KDM3B: variants seen among roughly 807,000 people sequenced by gnomAD.
KDM3B encodes the protein lysine-specific demethylase 3B.
KDM3B carries 10 observed loss-of-function variants against 170.0 expected under a neutral mutation model. The ratio of observed to expected loss-of-function variants is 0.06; its 90% CI spans 0.04 to 0.10. The LOEUF is 0.10. Ranked by LOEUF, KDM3B falls within the 10% of genes least tolerant of loss-of-function variation. The pLI, the probability that KDM3B is intolerant of heterozygous loss-of-function variation, is 1.00. For missense variants in KDM3B, 1,394 were observed against 2,195.2 expected (o/e 0.64, Z 7.29); for synonymous variants, 831 against 834.8 (o/e 1.00, Z 0.08).
chr5:138,397,944 A>ATC, intron 9 of KDM3B: 1 of 406,180 alleles, frequency 2.5e-6, no homozygotes, highest in South Asian at 4.4e-5. Context: ...AGAACAGGTG[A>ATC]ATGGAAAAAC....
intron 16 of KDM3B, 92 bp from the exon 17 acceptor site, chr5:138,425,319 G>T: frequency 8.9e-7 from 1 of 1,124,298 alleles, no homozygotes; most frequent in Non-Finnish European, 1.3e-6. Context: ...AGAAGAGGAG[G>T]CCCTCCTCAG....
chr5:138,381,289 T>C (rs1332431484), intron 5 of KDM3B, among the ~76,000 whole-genome samples: 1 of 152,250 alleles, frequency 6.6e-6, no homozygotes, highest in Non-Finnish European at 1.5e-5. Context: ...AAGACACAGT[T>C]GGACATGAAT....
chr5:138,419,526 G>C (rs1763199259), intron 14 of KDM3B, among the ~76,000 whole-genome samples: 2 of 150,846 alleles, frequency 1.3e-5, no homozygotes, highest in African/African-American at 4.9e-5. Context: ...GAGGTGGCGG[G>C]TGCCTGTAGT....
intron 1 of KDM3B, among the ~76,000 whole-genome samples, chr5:138,367,201 A>G (rs2126916483): frequency 6.6e-6 from 1 of 152,232 alleles, no homozygotes; most frequent in South Asian, 2.1e-4. Flanking sequence ...TAATTTCTGT[A>G]CCTCTCTGTT....
chr5:138,391,509 C>T lies in KDM3B; in HGVS notation c.1877C>T (p.Pro626Leu). ...ENHENLFLQPPKLSREEPSNP... is the reference protein window; with the variant it reads ...ENHENLFLQPLKLSREEPSNP... Reference sequence around the variant, plus strand: ...CATGAAAATCTATTTTTACAGCCCCCCAAATTGTCCCGAGAAGAGCCTTCT... The same window carrying T: ...CATGAAAATCTATTTTTACAGCCCCTCAAATTGTCCCGAGAAGAGCCTTCT... Residue 626 changes from proline (P) to leucine (L), a missense_variant, in exon 8 of 24, where the codon CCC (proline) becomes CTC (leucine). Transcript: ENST00000314358. This position sits in a 1 kb window ranked among gnomAD's most constrained non-coding sequence, Gnocchi z 5.0. 6.2e-7 allele frequency: 1 copy of T among 1,614,074 alleles called. No individual in the cohort carries two copies. The highest frequency in any genetic ancestry group is 8.5e-7 in the Non-Finnish European group (1 of 1,180,024).
chr5:138,420,892 C>G lies in KDM3B; in HGVS notation c.3902C>G (p.Pro1301Arg), dbSNP rs765215401. 2.5e-6 allele frequency: 4 copies of G among 1,613,938 alleles called. No individual in the cohort carries two copies. In the Admixed American group the frequency reaches 5.0e-5, roughly 20 times the overall value. The change falls in exon 15 of 24, where the codon CCG (proline) becomes CGG (arginine). Residue 1301 changes from proline to arginine, a missense_variant. By Grantham distance (103) the Pro-to-Arg change is moderately radical (BLOSUM62 -2). Coordinates refer to ENST00000314358, the MANE Select transcript of KDM3B (RefSeq NM_016604.4). ...CTTCGAGACCTCCTTCACTCCGGGC[C>G]GGGAAAACTTCCTCAAACCCCCTTG... ...SSLRDLLHSGPGKLPQTPLDT... is the reference protein window; with the variant it reads ...SSLRDLLHSGRGKLPQTPLDT...
chr5:138,381,003 T>G (rs1470739901), intron 5 of KDM3B, among the ~76,000 whole-genome samples: 1 of 152,094 alleles, frequency 6.6e-6, no homozygotes, highest in East Asian at 1.9e-4. Flanking sequence ...GCCTCCTGAT[T>G]CGCTGAGATT....
chr5:138,391,009 T>A lies in KDM3B; in HGVS notation c.1381-4T>A. On this transcript the variant is annotated splice_region_variant and splice_polypyrimidine_tract_variant and intron_variant, in intron 7 of 23. Transcript: ENST00000314358. The surrounding 1 kb of genome is among the most constrained non-coding windows in gnomAD (Gnocchi z 5.0). ...ATCACTAATTCAGGCTATCTTCCTT[T>A]CAGAATTCAAGAAATTCTATTCTGG... The A allele has an allele frequency of 6.5e-7, 1 of 1,542,118 alleles. No individual in the cohort carries two copies. The highest frequency in any genetic ancestry group is 1.4e-5 in the African/African-American group (1 of 72,232).
At chr5:138,356,417 A>G (rs1301721424) in intron 1 of KDM3B, among the ~76,000 whole-genome samples, 2 of 152,026 alleles carry the variant, frequency 1.3e-5, no homozygotes, top group African/African-American at 2.4e-5. Flanking sequence ...ATTTTTGCCA[A>G]TCTGATGGGT....
intron 11 of KDM3B, among the ~76,000 whole-genome samples, chr5:138,414,717 A>G (rs569956031): frequency 8.7e-4 from 132 of 152,266 alleles, no homozygotes; most frequent in African/African-American, 3.0e-3. Context: ...CACTTTGGGA[A>G]GCCAAGGCAG....
rs1196057786 is a variant in KDM3B, at chr5:138,436,430, C to T, written c.*730C>T. The T allele has an allele frequency of 6.6e-6, 1 of 152,206 alleles. No individual in the cohort carries two copies. Among genetic ancestry groups the T allele is most frequent in the Non-Finnish European group, 1.5e-5 (1 of 68,034 alleles). The allele number at this position is 152,206 out of a possible 1,614,324, so 9.4% of individuals were successfully genotyped here. On this transcript the variant is annotated 3_prime_UTR_variant, in exon 24 of 24. Transcript: ENST00000314358. ...ATTTAGTCTTCCTTTCGATATAAAA[C>T]TCTTTGAAGAAATATGATTTTTAGA...
intron 11 of KDM3B, among the ~76,000 whole-genome samples, chr5:138,413,660 G>A (rs1001888060): frequency 1.3e-5 from 2 of 152,014 alleles, no homozygotes; most frequent in Admixed American, 6.6e-5. Flanking sequence ...TTGAGACAGG[G>A]TCTCTTTCTG....
chr5:138,376,994 A>C (rs1762016179), intron 3 of KDM3B, among the ~76,000 whole-genome samples: 1 of 152,210 alleles, frequency 6.6e-6, no homozygotes, highest in African/African-American at 2.4e-5. Context: ...TGTCTTACTG[A>C]GACAGACCAG....
chr5:138,427,453 G>C (rs1297536581), intron 19 of KDM3B, 134 bp downstream of exon 19: 14 of 1,009,520 alleles, frequency 1.4e-5, no homozygotes, highest in Non-Finnish European at 2.0e-5. Context: ...AGTATCCAAG[G>C]TGGTCTTGAA....
chr5:138,357,778 G>A (rs1761490560), intron 1 of KDM3B, among the ~76,000 whole-genome samples: 1 of 151,836 alleles, frequency 6.6e-6, no homozygotes, highest in Non-Finnish European at 1.5e-5. Context: ...GGAGTGCAGT[G>A]GCGCGATATT....
At chr5:138,357,058 C>T (rs901842025) in intron 1 of KDM3B, among the ~76,000 whole-genome samples, 27 of 151,882 alleles carry the variant, frequency 1.8e-4, no homozygotes, top group African/African-American at 6.5e-4. Context: ...CTTGCTCTGT[C>T]TCCCGGGCTG....
At chr5:138,370,497 CAAA>C (rs893600535) in intron 1 of KDM3B, among the ~76,000 whole-genome samples, 1 of 149,570 alleles carries the variant, frequency 6.7e-6, no homozygotes, top group Admixed American at 6.6e-5. Flanking sequence ...TGTATACAAA[CAAA>C]AAAAAAGCCA....
chr5:138,376,417 G>A (rs1041170727), intron 3 of KDM3B, among the ~76,000 whole-genome samples: 4 of 151,992 alleles, frequency 2.6e-5, no homozygotes, highest in African/African-American at 7.2e-5. Context: ...CAGAAGAGGT[G>A]GCTTCGGCCA....
rs1038224998 is a variant in KDM3B at position 138,391,255 on chromosome 5, T to C, written c.1623T>C (p.Thr541=). 2 of 1,614,196 alleles carry C rather than the reference T, an allele frequency of 1.2e-6. No homozygotes were observed. The highest frequency in any genetic ancestry group is 2.2e-5 in the South Asian group (2 of 91,086). ...CTTTACCTACCAGTAACTACTTCAC[T>C]ACTGTTTCAGAGAGTTTGGCTGATG... ...SQTLPTSNYF[T]TVSESLADDS... Residue 541 remains threonine, a synonymous_variant, in exon 8 of 24, where the codon ACT becomes ACC. Transcript: ENST00000314358. This position sits in a 1 kb window ranked among gnomAD's most constrained non-coding sequence, Gnocchi z 5.0.
Sources: gnomAD v4.1 joint callset for allele counts (sites outside exome capture counted in the v4.1 genomes callset) on GRCh38, gnomAD v4.1.1 for gene constraint, Gnocchi (gnomAD v3.1) non-coding constraint, MANE v1.5 for transcripts, NCBI Gene and HGNC (gene_info 2026-07-23, HGNC 2026-07-21) for gene names.